The following CLASP2 variants were observed in gnomAD, a reference collection of about 807,000 sequenced individuals.
CLASP2 encodes CLIP-associating protein 2.
Under a neutral mutation model 194.4 loss-of-function variants are expected in CLASP2, and 47 were observed. The ratio of observed to expected loss-of-function variants is 0.24; its 90% CI spans 0.19 to 0.31. The LOEUF (loss-of-function observed/expected upper bound fraction) is 0.31, where lower values mean the gene tolerates loss of function less well. Ranked by LOEUF, CLASP2 falls within the 10% of genes least tolerant of loss-of-function variation. The pLI is 1.00. For missense variants in CLASP2, 1,445 were observed against 1,823.6 expected, an observed-to-expected ratio of 0.79 and a Z score of 3.78; for synonymous variants, 619 against 633.5, an observed-to-expected ratio of 0.98 and a Z score of 0.34.
chr3:33,545,310 C>T lies in CLASP2; in HGVS notation c.3154-469G>A, dbSNP rs138368580. Among the ~76,000 whole-genome samples the T allele has an allele frequency of 8.5e-5, 13 of 152,222 alleles. No individual in the cohort carries two copies. In the East Asian group the frequency reaches 1.9e-3, roughly 23 times the overall value. On this transcript the variant is annotated intron_variant, in intron 30 of 38. Coordinates refer to ENST00000682230, the MANE Select transcript of CLASP2 (RefSeq NM_001365631.1). ...CAAGAAAAGTTATACAATTCTTCTC[C>T]GCTTCTGAAGTAATCAACTGCATTA... is the stretch of plus-strand genomic sequence containing the variant.
At chr3:33,568,282 G>A (rs2063104133) in intron 26 of CLASP2, among the ~76,000 whole-genome samples, 1 of 152,020 alleles carries the variant, frequency 6.6e-6, no homozygotes, top group East Asian at 1.9e-4. Flanking sequence ...GTCAGGCATG[G>A]TGGCTCACGC....
At chr3:33,576,346 T>C in intron 23 of CLASP2, 71 bp from the exon 24 acceptor site, 2 of 1,220,208 alleles carry the variant, frequency 1.6e-6, no homozygotes, top group East Asian at 2.4e-5. Flanking sequence ...TGGGAAACTT[T>C]AAGACCTTTA....
intron 28 of CLASP2, 77 bp from the exon 29 acceptor site, chr3:33,559,462 A>T: frequency 1.3e-6 from 1 of 763,906 alleles, no homozygotes; most frequent in Non-Finnish European, 2.2e-6. Context: ...ACTATGCTTA[A>T]TACCAAAACA....
intron 7 of CLASP2, among the ~76,000 whole-genome samples, chr3:33,661,699 G>A (rs898536118): frequency 6.6e-6 from 1 of 152,166 alleles, no homozygotes; most frequent in African/African-American, 2.4e-5. Flanking sequence ...CGTCATCAAG[G>A]CCACAGGCTA....
chr3:33,536,541 T>C (rs932438556), intron 33 of CLASP2, among the ~76,000 whole-genome samples: 1 of 151,398 alleles, frequency 6.6e-6, no homozygotes, highest in Admixed American at 6.6e-5. Context: ...AGGAGCAGAG[T>C]GAACAAGGAG....
Position 33,551,435 on chromosome 3 carries a change from T to C in CLASP2, c.3010-40A>G, listed in dbSNP as rs375196052. On this transcript the variant is annotated intron_variant, in intron 29 of 38. Coordinates refer to ENST00000682230, the MANE Select transcript of CLASP2 (RefSeq NM_001365631.1). ...ACAAAGAGAAAGGACAGAAAGATGGTTATTGTGAGACACTAGAGAACATTT... is the reference window on the plus strand; with the variant it reads ...ACAAAGAGAAAGGACAGAAAGATGGCTATTGTGAGACACTAGAGAACATTT... The C allele has an allele frequency of 8.1e-5, 129 of 1,589,872 alleles. No homozygotes were observed. The African/African-American group carries it at 1.6e-3, about 19-fold the overall frequency.
At chr3:33,519,474 T>C (rs2052352202) in intron 34 of CLASP2, among the ~76,000 whole-genome samples, 1 of 152,110 alleles carries the variant, frequency 6.6e-6, no homozygotes, top group African/African-American at 2.4e-5. Context: ...TTTGCTAAAT[T>C]TTAGATTTTA....
intron 8 of CLASP2, among the ~76,000 whole-genome samples, chr3:33,632,965 C>G (rs957474686): frequency 6.6e-6 from 1 of 152,048 alleles, no homozygotes; most frequent in Admixed American, 6.6e-5. Context: ...TTCATTAAAC[C>G]AATTTTTCTG....
Position 33,587,097 on chromosome 3 carries a change from C to G in CLASP2, c.2069-2177G>C, listed in dbSNP as rs554487373. On this transcript the variant is annotated intron_variant, in intron 21 of 38. Transcript: ENST00000682230. ...TAAATGGAGACAGACTAGACATGGT[C>G]CATGGGCTGGCGATCTGTGATTCTT... Among the ~76,000 whole-genome samples, 7 of 152,080 alleles carry G rather than the reference C, an allele frequency of 4.6e-5. No homozygotes were observed. In the South Asian group the frequency reaches 1.2e-3, roughly 27 times the overall value.
intron 32 of CLASP2, among the ~76,000 whole-genome samples, chr3:33,542,801 G>A (rs1468628723): frequency 6.6e-6 from 1 of 151,970 alleles, no homozygotes; most frequent in Non-Finnish European, 1.5e-5. Context: ...ATACTGAGTA[G>A]TATAATGTAA....
chr3:33,679,763 A>C (rs1208853568), intron 6 of CLASP2, among the ~76,000 whole-genome samples: 1 of 152,162 alleles, frequency 6.6e-6, no homozygotes, highest in African/African-American at 2.4e-5. Context: ...AGCAATAGGA[A>C]CTCTCCTTCA....
At chr3:33,696,413 G>T (rs1364076306) in intron 2 of CLASP2, among the ~76,000 whole-genome samples, 1 of 86,270 alleles carries the variant, frequency 1.2e-5, no homozygotes, top group Non-Finnish European at 2.1e-5. Context: ...TTAAAACCTT[G>T]TCTCTGGGTA....
chr3:33,499,121 C>T (rs1035977459), intron 38 of CLASP2, among the ~76,000 whole-genome samples: 32 of 151,946 alleles, frequency 2.1e-4, no homozygotes, highest in African/African-American at 7.7e-4. Context: ...GGGGCAGTTC[C>T]CCTGTGCTGC....
At chr3:33,593,437 C>G (rs1373524586) in intron 20 of CLASP2, among the ~76,000 whole-genome samples, 1 of 151,486 alleles carries the variant, frequency 6.6e-6, no homozygotes, top group Non-Finnish European at 1.5e-5. Flanking sequence ...CTGGCTAGCC[C>G]AATATGACCA....
intron 8 of CLASP2, among the ~76,000 whole-genome samples, chr3:33,637,594 G>C (rs2080405461): frequency 6.6e-6 from 1 of 152,066 alleles, no homozygotes; most frequent in Non-Finnish European, 1.5e-5. Context: ...TAAACTCCAG[G>C]AGGCCAAGGT....
intron 34 of CLASP2, among the ~76,000 whole-genome samples, chr3:33,528,513 G>A (rs1294128248): frequency 6.6e-6 from 1 of 152,154 alleles, no homozygotes; most frequent in Non-Finnish European, 1.5e-5. Flanking sequence ...TGTAATCCCA[G>A]CATTTTGGGA....
intron 8 of CLASP2, among the ~76,000 whole-genome samples, chr3:33,635,272 G>GA (rs199512920): frequency 2.7e-4 from 39 of 142,438 alleles, no homozygotes; most frequent in African/African-American, 8.2e-4. Flanking sequence ...TCTCAAAAAA[G>GA]AAAAAAAAAA....
At chr3:33,541,645 T>C (rs965420103) in intron 32 of CLASP2, among the ~76,000 whole-genome samples, 1 of 152,186 alleles carries the variant, frequency 6.6e-6, no homozygotes, top group African/African-American at 2.4e-5. Flanking sequence ...GCTCCATCTA[T>C]GTCTCTGCAA....
intron 29 of CLASP2, among the ~76,000 whole-genome samples, chr3:33,558,037 C>T (rs1373792828): frequency 1.3e-5 from 2 of 152,210 alleles, no homozygotes; most frequent in Admixed American, 1.3e-4. Context: ...TCATCCCCCA[C>T]TCACCCAGAG....
Sources: allele counts gnomAD v4.1 joint callset (sites outside exome capture counted in the v4.1 genomes callset), GRCh38; gene constraint gnomAD v4.1.1; transcripts MANE v1.5; gene names NCBI Gene and HGNC (gene_info 2026-07-23, HGNC 2026-07-21).